The following MALT1 variants were observed in gnomAD, a reference collection of about 807,000 sequenced individuals.
The protein encoded by MALT1 is MALT1 paracaspase.
MALT1 carries 36 observed loss-of-function variants against 85.5 expected under a neutral mutation model. The ratio of observed to expected loss-of-function variants is 0.42; its 90% confidence interval spans 0.32 to 0.56. MALT1 has a LOEUF of 0.56. MALT1 is among the 20% of genes least tolerant of loss of function. The probability of loss-of-function intolerance (pLI) is 0.10; values close to 1 mark genes in which losing one functional copy is unlikely to be tolerated. For synonymous variants in MALT1, 359 were observed against 361.3 expected (o/e 0.99, Z 0.07); for missense variants, 716 against 981.6 (o/e 0.73, Z 3.62).
At chr18:58,699,523 T>A (rs2054641882) in intron 3 of MALT1, among the ~76,000 whole-genome samples, 1 of 152,232 alleles carries the variant, frequency 6.6e-6, no homozygotes, top group Admixed American at 6.5e-5. Context: ...ATATCCCTTG[T>A]CTGAAATGCT....
rs576190375 is a variant in MALT1 at position 58,704,453 on chromosome 18, G to A, written c.649+3862G>A. On this transcript the variant is annotated intron_variant, in intron 4 of 16. Transcript: ENST00000649217. ...GTGTGATACTAATATAGCCATGGAA[G>A]CTTTCTTTTTTGTTTTGTTTTGAGA... Among the ~76,000 whole-genome samples, 7 of 152,200 alleles carry A rather than the reference G, an allele frequency of 4.6e-5. No homozygotes were observed. In the South Asian group the frequency reaches 1.5e-3, roughly 32 times the overall value.
chr18:58,712,988 C>A (rs1357080865), intron 7 of MALT1, among the ~76,000 whole-genome samples: 2 of 151,932 alleles, frequency 1.3e-5, no homozygotes, highest in African/African-American at 4.8e-5. Flanking sequence ...AAGAAAAGAA[C>A]CTAACTGTAT....
chr18:58,730,480 G>C (rs910839077), intron 10 of MALT1, among the ~76,000 whole-genome samples: 1 of 152,078 alleles, frequency 6.6e-6, no homozygotes, highest in African/African-American at 2.4e-5. Context: ...GCATGTACTA[G>C]AACTTCATTA....
rs1474223761 is a variant in MALT1 at position 58,752,998 on chromosome 18, T to G, written c.*5156T>G. On this transcript the variant is annotated 3_prime_UTR_variant, in exon 17 of 17. Transcript: ENST00000649217. The stretch of plus-strand genomic sequence containing the variant: ...CAAAGAGCGTTAACTTGCCTGTGCT[T>G]CTGTTTCCTTATCTGTAAAATGGGG... The G allele has an allele frequency of 6.8e-6, 1 of 147,408 alleles. No homozygotes were observed. Among genetic ancestry groups the G allele is most frequent in the Non-Finnish European group, 1.5e-5 (1 of 67,728 alleles). The allele number at this position is 147,408 out of a possible 1,614,324, so 9.1% of individuals were successfully genotyped here.
intron 9 of MALT1, among the ~76,000 whole-genome samples, chr18:58,718,156 T>C (rs2054930081): frequency 6.6e-6 from 1 of 152,210 alleles, no homozygotes; most frequent in Admixed American, 6.5e-5. Flanking sequence ...TTATACAATG[T>C]AGTAGTTGAG....
In MALT1 at chr18:58,748,265, C is replaced by A. The variant is rs745725540; in HGVS notation, c.*423C>A. 4.3e-6 allele frequency: 1 copy of A among 233,326 alleles called. No individual in the cohort carries two copies. Among genetic ancestry groups the A allele is most frequent in the Non-Finnish European group, 8.5e-6 (1 of 118,018 alleles). The allele number at this position is 233,326 out of a possible 1,614,324, so 14.5% of individuals were successfully genotyped here. On this transcript the variant is annotated 3_prime_UTR_variant, in exon 17 of 17. Coordinates refer to ENST00000649217, the MANE Select transcript of MALT1 (RefSeq NM_006785.4). ...ACACAGAAAGGCATCTAAGTTAGAG[C>A]TGGCACCAGAACTGAGACCTCCAGA...
At chr18:58,712,101 A>C (rs1419714107) in intron 7 of MALT1, among the ~76,000 whole-genome samples, 1 of 152,208 alleles carries the variant, frequency 6.6e-6, no homozygotes, top group African/African-American at 2.4e-5. Context: ...AGTATTCTCT[A>C]TAATTTTTGC....
intron 2 of MALT1, among the ~76,000 whole-genome samples, chr18:58,682,388 T>A (rs1191800060): frequency 1.3e-5 from 2 of 152,214 alleles, no homozygotes; most frequent in African/African-American, 4.8e-5. Flanking sequence ...AGAGCAGGTT[T>A]GGCTTCAAGA....
intron 3 of MALT1, 121 bp downstream of exon 3, chr18:58,696,608 A>G: frequency 1.3e-6 from 1 of 747,664 alleles, no homozygotes; most frequent in Non-Finnish European, 2.0e-6. Flanking sequence ...AGACATTGCT[A>G]GGTTATTACT....
intron 2 of MALT1, among the ~76,000 whole-genome samples, chr18:58,681,687 A>C (rs1265444385): frequency 6.6e-6 from 1 of 152,212 alleles, no homozygotes; most frequent in Non-Finnish European, 1.5e-5. Flanking sequence ...TATGACATAC[A>C]TTGGAATAGT....
chr18:58,685,849 T>C (rs1406853599), intron 2 of MALT1, among the ~76,000 whole-genome samples: 1 of 152,144 alleles, frequency 6.6e-6, no homozygotes, highest in East Asian at 1.9e-4. Flanking sequence ...CTCATCTCAG[T>C]GGGAATTGTA....
rs1329697706 is a variant in MALT1 at position 58,676,220 on chromosome 18, C to A, written c.209+4368C>A. On this transcript the variant is annotated intron_variant, in intron 1 of 16. Transcript: ENST00000649217. Reference sequence around the variant, plus strand: ...TTAAAACATCACATCAGGTCTTATTCCTCCTCTGCTCAAAACTCTCCTATT... The same window carrying A: ...TTAAAACATCACATCAGGTCTTATTACTCCTCTGCTCAAAACTCTCCTATT... 2.0e-5 allele frequency among the ~76,000 whole-genome samples: 3 copies of A among 152,094 alleles called. No individual in the cohort carries two copies. In the East Asian group the frequency reaches 5.8e-4, roughly 29 times the overall value.
intron 15 of MALT1, 55 bp downstream of exon 15, chr18:58,744,550 T>G (rs912579416): frequency 4.5e-5 from 51 of 1,139,040 alleles, no homozygotes; most frequent in Admixed American, 1.3e-4. Flanking sequence ...TATTAAAGAC[T>G]AAATTTTTTA....
rs1956299179 is a variant in MALT1, at chr18:58,671,860, C to T, written c.209+8C>T. On this transcript the variant is annotated splice_region_variant and intron_variant, in intron 1 of 16. Transcript: ENST00000649217. ...CGGGCGCCTCCGCCTCAGGTGAGCT[C>T]AGGGCCGCGGCAGGCCGGGCGCGCG... 5.7e-6 allele frequency: 7 copies of T among 1,219,708 alleles called. No homozygotes were observed. Among genetic ancestry groups the T allele is most frequent in the Non-Finnish European group, 7.1e-6 (7 of 980,448 alleles). 75.6% of individuals were successfully genotyped at this position (1,219,708 alleles called of 1,614,324 possible).
chr18:58,690,926 G>T, intron 2 of MALT1: 1 of 244,502 alleles, frequency 4.1e-6, no homozygotes. Context: ...CAGGAGAGAG[G>T]CCTGCTGTCT....
In MALT1 at chr18:58,734,290, C is replaced by T. The variant is rs1486079862; in HGVS notation, c.1401-17C>T. 1.9e-6 allele frequency: 3 copies of T among 1,581,634 alleles called. No individual in the cohort carries two copies. Among genetic ancestry groups the T allele is most frequent in the Non-Finnish European group, 2.6e-6 (3 of 1,150,454 alleles). On this transcript the variant is annotated splice_polypyrimidine_tract_variant and intron_variant, in intron 11 of 16. Coordinates refer to ENST00000649217, the MANE Select transcript of MALT1 (RefSeq NM_006785.4). ...TTTTCATATTTCTATCTGCCCTCCT[C>T]CGCCTCCCTTAAATAGAAATGACTA...
At chr18:58,727,616 G>GGTTTTTTTTTTTTTTT (rs1555688173) in intron 10 of MALT1, among the ~76,000 whole-genome samples, 2 of 121,264 alleles carry the variant, frequency 1.6e-5, no homozygotes, top group African/African-American at 6.5e-5. Context: ...GGTTTTTTGT[G>GGTTTTTTTTTTTTTTT]TTTTTTTTTT....
intron 13 of MALT1, among the ~76,000 whole-genome samples, chr18:58,738,801 G>GTA (rs1423584432): frequency 6.6e-6 from 1 of 151,976 alleles, no homozygotes; most frequent in Admixed American, 6.6e-5. Context: ...GTGTGTGTGT[G>GTA]TGTGTGTGTG....
chr18:58,688,536 C>CAAAAAAA (rs552838701), intron 2 of MALT1, among the ~76,000 whole-genome samples: 32 of 61,388 alleles, frequency 5.2e-4, no homozygotes, highest in East Asian at 3.1e-3. Flanking sequence ...CCTGTTTCTA[C>CAAAAAAA]AAAAAAAAAA....
Sources: allele counts gnomAD v4.1 joint callset (sites outside exome capture counted in the v4.1 genomes callset), GRCh38; gene constraint gnomAD v4.1.1; transcripts MANE v1.5; gene names NCBI Gene and HGNC (gene_info 2026-07-23, HGNC 2026-07-21).